PAK5: variants seen among roughly 807,000 people sequenced by gnomAD.
PAK5 encodes p21 (RAC1) activated kinase 5, also known as serine/threonine-protein kinase PAK 5.
PAK5 carries 16 observed loss-of-function variants against 65.9 expected under a neutral mutation model. The observed-to-expected ratio is 0.24, with a 90% CI of 0.16 to 0.37. The LOEUF is 0.37. Among genes scored for constraint, PAK5 ranks in the 10% least tolerant of loss-of-function variants. PAK5 has a pLI of 1.00. For synonymous variants in PAK5, 371 were observed against 354.9 expected, an observed-to-expected ratio of 1.05 and a Z score of -0.51; for missense variants, 785 against 903.9, an observed-to-expected ratio of 0.87 and a Z score of 1.69.
intron 2 of PAK5, among the ~76,000 whole-genome samples, chr20:9,695,748 T>C (rs1320511022): frequency 6.6e-6 from 1 of 152,000 alleles, no homozygotes; most frequent in Non-Finnish European, 1.5e-5. Flanking sequence ...TGAGAAGCTA[T>C]TTACAAAGAA....
At chr20:9,701,926 G>C (rs1252381412) in intron 2 of PAK5, among the ~76,000 whole-genome samples, 1 of 152,034 alleles carries the variant, frequency 6.6e-6, no homozygotes, top group Non-Finnish European at 1.5e-5. Context: ...CTTGAGCCCA[G>C]GAGCTTGAAG....
intron 3 of PAK5, among the ~76,000 whole-genome samples, chr20:9,618,250 A>AC (rs1202367821): frequency 5.9e-5 from 9 of 151,922 alleles, no homozygotes; most frequent in Admixed American, 1.3e-4. Flanking sequence ...AGAGTCAGGT[A>AC]CCCCCCCAAG....
chr20:9,771,458 G>A (rs995548050), intron 1 of PAK5, among the ~76,000 whole-genome samples: 1 of 151,126 alleles, frequency 6.6e-6, no homozygotes, highest in African/African-American at 2.4e-5. Flanking sequence ...ACCCAGGCTA[G>A]AATGCACTGG....
At chr20:9,794,423 G>A (rs2049083141) in intron 1 of PAK5, among the ~76,000 whole-genome samples, 1 of 152,074 alleles carries the variant, frequency 6.6e-6, no homozygotes, top group Non-Finnish European at 1.5e-5. Flanking sequence ...GAATCTCTCT[G>A]CATAAGCAAT....
intron 3 of PAK5, among the ~76,000 whole-genome samples, chr20:9,612,173 G>A (rs551424883): frequency 1.1e-4 from 16 of 152,234 alleles, no homozygotes; most frequent in South Asian, 2.1e-4. Flanking sequence ...AATGAGGCCC[G>A]TCCTCTGGGG....
intron 1 of PAK5, among the ~76,000 whole-genome samples, chr20:9,731,265 G>A (rs1399254117): frequency 6.6e-6 from 1 of 152,062 alleles, no homozygotes; most frequent in African/African-American, 2.4e-5. Context: ...AAATTTTCCA[G>A]TAGCTGCATT....
At chr20:9,597,599 C>T (rs748863203) in intron 3 of PAK5, among the ~76,000 whole-genome samples, 7 of 152,164 alleles carry the variant, frequency 4.6e-5, no homozygotes, top group Non-Finnish European at 8.8e-5. Flanking sequence ...AGTGTGACTC[C>T]GCACCTCCTC....
chr20:9,665,885 C>T (rs1178951287), intron 2 of PAK5, among the ~76,000 whole-genome samples: 1 of 151,986 alleles, frequency 6.6e-6, no homozygotes, highest in Non-Finnish European at 1.5e-5. Context: ...ATTAGAAGAA[C>T]CTTGAAAACC....
intron 1 of PAK5, among the ~76,000 whole-genome samples, chr20:9,790,851 A>G (rs6039581): frequency 0.012 from 1,832 of 152,148 alleles, 47 homozygotes; most frequent in African/African-American, 0.041. Context: ...GAAAGGGGAA[A>G]GGTACTAGGC....
intron 9 of PAK5, 119 bp from the exon 10 acceptor site, chr20:9,539,736 G>C: frequency 1.3e-6 from 1 of 773,930 alleles, no homozygotes; most frequent in Non-Finnish European, 2.1e-6. Context: ...ACCTTAAGGA[G>C]AAAGATGTTG....
chr20:9,546,762 C>A (rs1020899637), intron 7 of PAK5, among the ~76,000 whole-genome samples: 19 of 152,248 alleles, frequency 1.2e-4, no homozygotes, highest in African/African-American at 4.3e-4. Context: ...GAGGGCATCC[C>A]TAGTAGCCTC....
intron 2 of PAK5, among the ~76,000 whole-genome samples, chr20:9,668,784 G>A (rs943108322): frequency 6.6e-6 from 1 of 152,170 alleles, no homozygotes; most frequent in Non-Finnish European, 1.5e-5. Flanking sequence ...TTATTAAGAT[G>A]CTTTCAGTTT....
intron 1 of PAK5, among the ~76,000 whole-genome samples, chr20:9,782,839 C>T (rs1323239057): frequency 6.6e-6 from 1 of 152,074 alleles, no homozygotes; most frequent in African/African-American, 2.4e-5. Context: ...GGAGGCCCCA[C>T]CCACCACCAT....
At chr20:9,811,955 T>C (rs2049302755) in intron 1 of PAK5, among the ~76,000 whole-genome samples, 1 of 152,122 alleles carries the variant, frequency 6.6e-6, no homozygotes, top group African/African-American at 2.4e-5. Context: ...CTTATTCTCA[T>C]AAAGAAAATG....
At chr20:9,822,621 AT>A (rs2049435735) in intron 1 of PAK5, among the ~76,000 whole-genome samples, 4 of 152,176 alleles carry the variant, frequency 2.6e-5, no homozygotes, top group African/African-American at 7.2e-5. Context: ...CAGAAGATAA[AT>A]TTTCTTTTCT....
At chr20:9,722,369 C>T (rs2048225635) in intron 1 of PAK5, among the ~76,000 whole-genome samples, 1 of 152,044 alleles carries the variant, frequency 6.6e-6, no homozygotes, top group Admixed American at 6.5e-5. Context: ...CCTGTAATCA[C>T]GTGTGATTAC....
intron 2 of PAK5, among the ~76,000 whole-genome samples, chr20:9,652,978 C>T (rs1192930596): frequency 6.6e-6 from 1 of 152,138 alleles, no homozygotes; most frequent in Admixed American, 6.5e-5. Flanking sequence ...TTGGATTTAG[C>T]ATATACATCC....
chr20:9,551,129 C>G (rs540924926), intron 7 of PAK5, among the ~76,000 whole-genome samples: 1 of 152,218 alleles, frequency 6.6e-6, no homozygotes. Context: ...GGACAATTTT[C>G]TAAAAGAACA....
intron 3 of PAK5, among the ~76,000 whole-genome samples, chr20:9,599,573 C>G (rs2123100193): frequency 6.6e-6 from 1 of 152,272 alleles, no homozygotes; most frequent in Admixed American, 6.5e-5. Context: ...GACTTAGTAT[C>G]TCACTGTGAT....
Sources: gnomAD v4.1 joint callset for allele counts (sites outside exome capture counted in the v4.1 genomes callset) on GRCh38, gnomAD v4.1.1 for gene constraint, MANE v1.5 for transcripts, NCBI Gene and HGNC (gene_info 2026-07-23, HGNC 2026-07-21) for gene names.